The following ZNF804B variants were observed in gnomAD, a reference collection of about 807,000 sequenced individuals.
The protein encoded by ZNF804B is zinc finger 804B.
A neutral mutation model predicts 101.4 loss-of-function variants in ZNF804B; 80 were observed. The observed-to-expected ratio is 0.79, with a 90% CI of 0.66 to 0.95. The LOEUF is 0.95. Among genes scored for constraint, ZNF804B ranks in the 40% least tolerant of loss-of-function variants. The probability of loss-of-function intolerance (pLI) is 0.00; values close to 1 mark genes in which losing one functional copy is unlikely to be tolerated. For synonymous variants in ZNF804B, 622 were observed against 558.8 expected, an observed-to-expected ratio of 1.11 and a Z score of -1.59; for missense variants, 1,673 against 1,561.9, an observed-to-expected ratio of 1.07 and a Z score of -1.20.
intron 1 of ZNF804B, among the ~76,000 whole-genome samples, chr7:89,120,564 A>G (rs1790387918): frequency 6.8e-6 from 1 of 147,304 alleles, no homozygotes; most frequent in African/African-American, 2.5e-5. Context: ...AGGCTGAGGC[A>G]GGAGAATGGC....
chr7:88,937,217 CA>C (rs1184716372), intron 1 of ZNF804B, among the ~76,000 whole-genome samples: 5 of 149,726 alleles, frequency 3.3e-5, no homozygotes, highest in African/African-American at 9.9e-5. Context: ...AAGAAAATGA[CA>C]GGGGAAGGCC....
intron 1 of ZNF804B, among the ~76,000 whole-genome samples, chr7:89,208,890 T>C (rs1788760393): frequency 6.6e-6 from 1 of 152,038 alleles, no homozygotes; most frequent in Non-Finnish European, 1.5e-5. Flanking sequence ...CAGGCCCGTG[T>C]AGTACCAGCT....
intron 2 of ZNF804B, among the ~76,000 whole-genome samples, chr7:89,262,558 T>A (rs566992495): frequency 1.2e-4 from 19 of 152,026 alleles, no homozygotes; most frequent in African/African-American, 4.6e-4. Context: ...GCTCTTATTA[T>A]AATGATTACT....
At chr7:88,881,951 T>A (rs1792049672) in intron 1 of ZNF804B, among the ~76,000 whole-genome samples, 1 of 152,176 alleles carries the variant, frequency 6.6e-6, no homozygotes, top group Non-Finnish European at 1.5e-5. Flanking sequence ...GTATTAACAT[T>A]TGTTTGAGAA....
At chr7:88,919,822 T>G (rs1295457767) in intron 1 of ZNF804B, among the ~76,000 whole-genome samples, 1 of 152,092 alleles carries the variant, frequency 6.6e-6, no homozygotes, top group African/African-American at 2.4e-5. Context: ...TAAATGTCAG[T>G]CATGACCTCT....
At chr7:89,081,260 A>C (rs937269581) in intron 1 of ZNF804B, among the ~76,000 whole-genome samples, 7 of 151,864 alleles carry the variant, frequency 4.6e-5, no homozygotes, top group African/African-American at 1.4e-4. Context: ...TTGAAGGCAG[A>C]ACTGAGTTTA....
rs565635692 is a variant in ZNF804B, at chr7:89,167,280, T to TA, written c.109-50862dup. 3.5e-3 allele frequency among the ~76,000 whole-genome samples: 497 copies of TA among 142,914 alleles called. 4 individuals are homozygous for TA. The highest frequency in any genetic ancestry group is 0.01 in the African/African-American group (399 of 39,174). 93.8% of individuals were successfully genotyped at this position (142,914 alleles called of 152,430 possible). A position where few individuals can be genotyped will look rare whatever the true frequency, so the allele number is the denominator to read the frequency against. On this transcript the variant is annotated intron_variant, in intron 1 of 3. Transcript: ENST00000333190. ...GTGAAACTCTGTCTCTGCTAAAAAT[T>TA]AAAAAAAAAAAAATTAGCCGGGCGT...
chr7:88,846,303 G>GAAAAAAAA (rs950375489), intron 1 of ZNF804B, among the ~76,000 whole-genome samples: 1 of 151,878 alleles, frequency 6.6e-6, no homozygotes, highest in Non-Finnish European at 1.5e-5. Flanking sequence ...GAACTGAGTA[G>GAAAAAAAA]AAAAAAACTA....
intron 1 of ZNF804B, among the ~76,000 whole-genome samples, chr7:88,888,492 T>C (rs894418211): frequency 9.9e-5 from 15 of 152,204 alleles, no homozygotes; most frequent in African/African-American, 3.6e-4. Flanking sequence ...TGGTCTTCTA[T>C]GTTTACAGAC....
rs116301263 is a variant in ZNF804B at position 89,181,746 on chromosome 7, G to A, written c.109-36409G>A. ...CCTATAGGGGTTAAAAATCACTAAA[G>A]GATTCTATTTAGCCATCTTGTTTTG... On this transcript the variant is annotated intron_variant, in intron 1 of 3. Transcript: ENST00000333190. 2.0e-3 allele frequency among the ~76,000 whole-genome samples: 298 copies of A among 152,212 alleles called. 5 individuals carry two copies. Among genetic ancestry groups the A allele is most frequent in the African/African-American group, 6.7e-3 (280 of 41,542 alleles).
Position 89,148,981 on chromosome 7 carries a change from GA to G in ZNF804B, c.109-69171del, listed in dbSNP as rs1790830745. Among the ~76,000 whole-genome samples the G allele has an allele frequency of 2.0e-5, 3 of 152,034 alleles. No individual in the cohort carries two copies. In the South Asian group the frequency reaches 6.2e-4, roughly 32 times the overall value. On this transcript the variant is annotated intron_variant, in intron 1 of 3. Transcript: ENST00000333190. Reference sequence around the variant, plus strand: ...TATGAGGCTCTTTCAGAGTTATTGGGAAACTCCCTGAGTTGCTGCCCTGCAG... The same window carrying G: ...TATGAGGCTCTTTCAGAGTTATTGGGAACTCCCTGAGTTGCTGCCCTGCAG...
intron 1 of ZNF804B, among the ~76,000 whole-genome samples, chr7:89,036,842 T>C (rs573233410): frequency 6.6e-6 from 1 of 152,112 alleles, no homozygotes; most frequent in African/African-American, 2.4e-5. Context: ...AAAGGGCCAA[T>C]ATTGTTTGAT....
intron 1 of ZNF804B, among the ~76,000 whole-genome samples, chr7:89,083,234 A>G (rs1372104992): frequency 1.3e-5 from 2 of 151,930 alleles, no homozygotes; most frequent in South Asian, 2.1e-4. Context: ...TATGGAATCT[A>G]TTTTTACACA....
chr7:89,333,141 C>T (rs1020154183), intron 3 of ZNF804B, among the ~76,000 whole-genome samples: 6 of 151,830 alleles, frequency 4.0e-5, no homozygotes, highest in Non-Finnish European at 5.9e-5. Context: ...CTTGCTATTG[C>T]TTTTTGGTAA....
intron 1 of ZNF804B, among the ~76,000 whole-genome samples, chr7:88,835,892 T>C (rs1791209315): frequency 6.6e-6 from 1 of 151,958 alleles, no homozygotes; most frequent in Non-Finnish European, 1.5e-5. Context: ...TGTGTGCATG[T>C]ATATGTGTTT....
At position 89,333,918 on chromosome 7, in the gene ZNF804B, G is replaced by T; in HGVS notation, c.936G>T (p.Glu312Asp). The T allele has an allele frequency of 6.2e-7, 1 of 1,613,516 alleles. No individual in the cohort carries two copies. Among genetic ancestry groups the T allele is most frequent in the Non-Finnish European group, 8.5e-7 (1 of 1,179,706 alleles). Reference sequence around the variant, plus strand: ...AAGACAAACACGACTCTATTGATGAGACACTAGAAGATTCAATTGGCATTC... The same window carrying T: ...AAGACAAACACGACTCTATTGATGATACACTAGAAGATTCAATTGGCATTC... ...ILQDKHDSIDETLEDSIGIHA... is the reference protein window; with the variant it reads ...ILQDKHDSIDDTLEDSIGIHA... The change falls in exon 4 of 4, where the codon GAG becomes GAT. Residue 312 changes from glutamate (E) to aspartate (D), a missense_variant. Glu to Asp is a conservative substitution (Grantham distance 45, BLOSUM62 2). Transcript: ENST00000333190.
Position 89,176,587 on chromosome 7 carries a change from C to CTTTTTTTTTTTTTTT in ZNF804B, c.109-41565_109-41564insTTTTTTTTTTTTTTT, listed in dbSNP as rs142696289. 1.4e-3 allele frequency among the ~76,000 whole-genome samples: 78 copies of CTTTTTTTTTTTTTTT among 53,962 alleles called. 5 individuals are homozygous for CTTTTTTTTTTTTTTT. Among genetic ancestry groups the CTTTTTTTTTTTTTTT allele is most frequent in the African/African-American group, 3.4e-3 (44 of 12,972 alleles). The allele number at this position is 53,962 out of a possible 152,430, so 35.4% of individuals were successfully genotyped here. On this transcript the variant is annotated intron_variant, in intron 1 of 3. Coordinates refer to ENST00000333190, the MANE Select transcript of ZNF804B (RefSeq NM_181646.5). ...TTTTCTTTTTTTTCTTTCTTTCTTT[C>CTTTTTTTTTTTTTTT]TTTCTTTTTTTTTTTTTTTTTCATG...
intron 1 of ZNF804B, among the ~76,000 whole-genome samples, chr7:89,015,604 G>A (rs1160526511): frequency 6.6e-6 from 1 of 151,210 alleles, no homozygotes; most frequent in Non-Finnish European, 1.5e-5. Context: ...TTTTGTCCTT[G>A]CGATAGTTTA....
At position 88,998,035 on chromosome 7, in the gene ZNF804B, G is replaced by C. The variant is rs1234915091; in HGVS notation, c.109-220120G>C. 2.0e-5 allele frequency among the ~76,000 whole-genome samples: 3 copies of C among 151,888 alleles called. No homozygotes were observed. In the East Asian group the frequency reaches 5.8e-4, roughly 29 times the overall value. The stretch of plus-strand genomic sequence containing the variant: ...GGCTGTCTGCCCCTTTGTCATCCTT[G>C]GCCTCATCTGACACACGACACTATG... On this transcript the variant is annotated intron_variant, in intron 1 of 3. Coordinates refer to ENST00000333190, the MANE Select transcript of ZNF804B (RefSeq NM_181646.5).
Sources: allele counts gnomAD v4.1 joint callset (sites outside exome capture counted in the v4.1 genomes callset), GRCh38; gene constraint gnomAD v4.1.1; transcripts MANE v1.5; gene names NCBI Gene and HGNC (gene_info 2026-07-23, HGNC 2026-07-21).